Variants in CNTN6 observed in about 807,000 individuals in gnomAD.
CNTN6 encodes contactin-6.
A neutral mutation model predicts 122.8 loss-of-function variants in CNTN6; 137 were observed. The observed-to-expected ratio is 1.12, with a 90% CI of 0.97 to 1.29. The LOEUF (loss-of-function observed/expected upper bound fraction) is 1.29. CNTN6 is among the 50% of genes most tolerant of loss of function. The pLI is 0.00. For missense variants in CNTN6, 1,634 were observed against 1,223.4 expected (o/e 1.34, Z -5.01); for synonymous variants, 570 against 426.0 (o/e 1.34, Z -4.16).
intron 7 of CNTN6, among the ~76,000 whole-genome samples, chr3:1,310,162 G>A (rs1156392156): frequency 6.6e-6 from 1 of 152,054 alleles, no homozygotes; most frequent in East Asian, 1.9e-4. Flanking sequence ...AATGATGACA[G>A]TGAGTGATAA....
chr3:1,320,024 C>T (rs1575686701), intron 7 of CNTN6, among the ~76,000 whole-genome samples: 3 of 151,420 alleles, frequency 2.0e-5, no homozygotes, highest in East Asian at 1.9e-4. Context: ...TCTAGAATTT[C>T]GTTCTTATTG....
At chr3:1,252,679 AT>A (rs1201124278) in intron 4 of CNTN6, among the ~76,000 whole-genome samples, 6 of 152,318 alleles carry the variant, frequency 3.9e-5, no homozygotes, top group African/African-American at 1.4e-4. Context: ...GTTTTTTAAA[AT>A]TCAGGTCTCC....
chr3:1,347,170 C>T (rs1371205150), intron 11 of CNTN6, among the ~76,000 whole-genome samples: 6 of 152,124 alleles, frequency 3.9e-5, no homozygotes, highest in Admixed American at 1.3e-4. Context: ...ACTCATAATG[C>T]ATTAGAGGAA....
chr3:1,200,480 A>G (rs988367791), intron 2 of CNTN6, among the ~76,000 whole-genome samples: 1 of 152,188 alleles, frequency 6.6e-6, no homozygotes, highest in Admixed American at 6.5e-5. Flanking sequence ...ATGCCATGGC[A>G]TCAAAGGAAG....
At chr3:1,240,361 G>T (rs1056737708) in intron 4 of CNTN6, among the ~76,000 whole-genome samples, 9 of 152,114 alleles carry the variant, frequency 5.9e-5, no homozygotes, top group Admixed American at 3.3e-4. Flanking sequence ...AGTGGGCTAA[G>T]GACATGAATA....
intron 1 of CNTN6, among the ~76,000 whole-genome samples, chr3:1,132,182 C>T (rs1159437659): frequency 6.6e-6 from 1 of 152,030 alleles, no homozygotes; most frequent in Non-Finnish European, 1.5e-5. Flanking sequence ...TTCTTTTACT[C>T]TAAAAACTCT....
chr3:1,211,668 A>G (rs1343877239), intron 2 of CNTN6, among the ~76,000 whole-genome samples: 1 of 151,604 alleles, frequency 6.6e-6, no homozygotes, highest in Non-Finnish European at 1.5e-5. Context: ...TCTATCATCT[A>G]CTTATCTCAA....
Position 1,317,621 on chromosome 3 carries a change from G to A in CNTN6, c.762-4029G>A, listed in dbSNP as rs569591697. Among the ~76,000 whole-genome samples the A allele has an allele frequency of 4.0e-5, 6 of 151,624 alleles. No individual in the cohort carries two copies. The East Asian group carries it at 7.8e-4, about 20-fold the overall frequency. On this transcript the variant is annotated intron_variant, in intron 7 of 22. Transcript: ENST00000446702. ...GAAAATTATTGACTAGAATCTTGGC[G>A]TTTATACCTCACTGTCTCAAAAAAC...
intron 4 of CNTN6, among the ~76,000 whole-genome samples, chr3:1,270,146 T>C (rs991719155): frequency 1.3e-5 from 2 of 152,172 alleles, no homozygotes; most frequent in African/African-American, 2.4e-5. Flanking sequence ...ACTGAGTATA[T>C]AGCATCCAGA....
intron 7 of CNTN6, among the ~76,000 whole-genome samples, chr3:1,302,329 G>A (rs922720562): frequency 6.6e-6 from 1 of 151,988 alleles, no homozygotes; most frequent in African/African-American, 2.4e-5. Context: ...TTACTCTTTT[G>A]TAAGATGTTG....
At chr3:1,305,985 C>G (rs939104460) in intron 7 of CNTN6, among the ~76,000 whole-genome samples, 1 of 152,136 alleles carries the variant, frequency 6.6e-6, no homozygotes, top group Non-Finnish European at 1.5e-5. Flanking sequence ...GCAGATTATA[C>G]TGCAGAAAGA....
chr3:1,385,457 G>A (rs1342434841), intron 19 of CNTN6, among the ~76,000 whole-genome samples, 154 bp from the exon 20 acceptor site: 1 of 152,054 alleles, frequency 6.6e-6, no homozygotes, highest in South Asian at 2.1e-4. Context: ...CAATTTTGTT[G>A]TTGTATAACC....
chr3:1,194,851 A>G (rs543757927), intron 2 of CNTN6, among the ~76,000 whole-genome samples: 10 of 152,132 alleles, frequency 6.6e-5, no homozygotes, highest in Admixed American at 4.6e-4. Flanking sequence ...GAGATGTTAT[A>G]TTAATCCTGT....
intron 7 of CNTN6, among the ~76,000 whole-genome samples, chr3:1,320,178 A>T (rs1700652413): frequency 6.6e-6 from 1 of 151,718 alleles, no homozygotes; most frequent in Non-Finnish European, 1.5e-5. Flanking sequence ...TTAGTATATG[A>T]TAATAATTAT....
Position 1,228,515 on chromosome 3 carries a change from T to C in CNTN6, c.358+522T>C, listed in dbSNP as rs370788142. On this transcript the variant is annotated intron_variant, in intron 4 of 22. Coordinates refer to ENST00000446702, the MANE Select transcript of CNTN6 (RefSeq NM_001289080.2). ...CATCACATAAATGTCATCCAAGTAA[T>C]TACCCTGGTGACATTTGGGGACATT... 1.1e-4 allele frequency among the ~76,000 whole-genome samples: 17 copies of C among 152,276 alleles called. No homozygotes were observed. In the East Asian group the frequency reaches 3.1e-3, roughly 28 times the overall value.
At chr3:1,324,241 T>A (rs1232655711) in intron 8 of CNTN6, among the ~76,000 whole-genome samples, 6 of 149,254 alleles carry the variant, frequency 4.0e-5, no homozygotes, top group Non-Finnish European at 7.4e-5. Flanking sequence ...TTTTACTCGT[T>A]TGTAGTCTCA....
intron 20 of CNTN6, among the ~76,000 whole-genome samples, chr3:1,392,387 C>A (rs1353322299): frequency 2.0e-5 from 3 of 152,162 alleles, no homozygotes; most frequent in Non-Finnish European, 2.9e-5. Flanking sequence ...CTTCCTTACA[C>A]CTTATACAAA....
At chr3:1,299,454 A>T (rs1575603189) in intron 7 of CNTN6, among the ~76,000 whole-genome samples, 1 of 152,212 alleles carries the variant, frequency 6.6e-6, no homozygotes, top group East Asian at 1.9e-4. Flanking sequence ...GGTCTTCCAC[A>T]ATAAAATAAT....
At chr3:1,229,337 T>C (rs2094325171) in intron 4 of CNTN6, among the ~76,000 whole-genome samples, 1 of 152,168 alleles carries the variant, frequency 6.6e-6, no homozygotes, top group African/African-American at 2.4e-5. Context: ...ACAGTAATTG[T>C]TTATTTCTCC....
Sources: allele counts gnomAD v4.1 joint callset (sites outside exome capture counted in the v4.1 genomes callset), GRCh38; gene constraint gnomAD v4.1.1; transcripts MANE v1.5; gene names NCBI Gene and HGNC (gene_info 2026-07-23, HGNC 2026-07-21).